Variants in GUCY1A2 observed in about 807,000 individuals in gnomAD.
The protein encoded by GUCY1A2 is guanylate cyclase soluble subunit alpha-2.
Under a neutral mutation model 63.5 loss-of-function variants are expected in GUCY1A2, and 27 were observed. The ratio of observed to expected loss-of-function variants is 0.43; its 90% CI spans 0.31 to 0.59. The LOEUF (loss-of-function observed/expected upper bound fraction) is 0.59. Among genes scored for constraint, GUCY1A2 ranks in the 20% least tolerant of loss-of-function variants. GUCY1A2 has a pLI of 0.11. For missense variants in GUCY1A2, 768 were observed against 913.3 expected, an observed-to-expected ratio of 0.84 and a Z score of 2.05; for synonymous variants, 364 against 343.5, an observed-to-expected ratio of 1.06 and a Z score of -0.66.
chr11:106,806,838 A>G (rs1196772831), intron 5 of GUCY1A2, among the ~76,000 whole-genome samples: 1 of 152,214 alleles, frequency 6.6e-6, no homozygotes, highest in Non-Finnish European at 1.5e-5. Flanking sequence ...AGATAGCTTG[A>G]TTATTTTAGC....
intron 4 of GUCY1A2, among the ~76,000 whole-genome samples, chr11:106,928,713 C>T (rs11211979): frequency 0.16 from 23,617 of 152,156 alleles, 2,163 homozygotes; most frequent in South Asian, 0.28. Context: ...GAGCTTATTG[C>T]TCCTAGGCTG....
intron 6 of GUCY1A2, chr11:106,746,781 G>T: frequency 3.9e-6 from 2 of 519,188 alleles, no homozygotes; most frequent in South Asian, 2.4e-5. Flanking sequence ...TGACATTGGT[G>T]GTACAATAAA....
chr11:106,703,238 T>C (rs1341001297), intron 7 of GUCY1A2, among the ~76,000 whole-genome samples: 1 of 152,166 alleles, frequency 6.6e-6, no homozygotes. Flanking sequence ...TGTGATCCTG[T>C]GAGTCAATAC....
chr11:106,949,704 T>C (rs1450793646), intron 3 of GUCY1A2, among the ~76,000 whole-genome samples: 1 of 151,972 alleles, frequency 6.6e-6, no homozygotes, highest in Non-Finnish European at 1.5e-5. Context: ...AAAAAGGAAA[T>C]GTCAACTAGG....
Position 106,678,628 on chromosome 11 carries a change from A to C in GUCY1A2, c.*8921T>G, listed in dbSNP as rs955533205. On this transcript the variant is annotated 3_prime_UTR_variant, in exon 8 of 8. Transcript: ENST00000526355. ...AGTTTCTTACTAGTCAGAGAGTCAG[A>C]GGTGATGTAACAATATTCATATTTG... 1 of 210,448 alleles carries C rather than the reference A, an allele frequency of 4.8e-6. No individual in the cohort carries two copies. Among genetic ancestry groups the C allele is most frequent in the African/African-American group, 2.3e-5 (1 of 44,124 alleles). 13.0% of individuals were successfully genotyped at this position (210,448 alleles called of 1,614,324 possible).
intron 4 of GUCY1A2, among the ~76,000 whole-genome samples, chr11:106,873,002 T>C (rs559730996): frequency 3.3e-5 from 5 of 152,242 alleles, no homozygotes; most frequent in African/African-American, 1.2e-4. Flanking sequence ...CTCCCACTTA[T>C]GTTTGAGAAA....
intron 4 of GUCY1A2, among the ~76,000 whole-genome samples, chr11:106,838,947 G>A (rs1235935679): frequency 1.3e-5 from 2 of 151,978 alleles, no homozygotes; most frequent in Admixed American, 1.3e-4. Flanking sequence ...TCTGATGGTA[G>A]TTTCTTTTGC....
intron 4 of GUCY1A2, among the ~76,000 whole-genome samples, chr11:106,813,305 A>C (rs1006412048): frequency 6.6e-6 from 1 of 152,010 alleles, no homozygotes; most frequent in African/African-American, 2.4e-5. Flanking sequence ...GTTAAATATC[A>C]TACTATCACA....
intron 4 of GUCY1A2, among the ~76,000 whole-genome samples, chr11:106,815,469 T>A (rs373027935): frequency 6.6e-6 from 1 of 151,540 alleles, no homozygotes; most frequent in African/African-American, 2.4e-5. Flanking sequence ...CACTCCAAGA[T>A]ACATTTTAGG....
chr11:106,686,270 G>T lies in GUCY1A2; in HGVS notation c.*1279C>A, dbSNP rs987136047. On this transcript the variant is annotated 3_prime_UTR_variant, in exon 8 of 8. Coordinates refer to ENST00000526355, the MANE Select transcript of GUCY1A2 (RefSeq NM_000855.3). ...AGGTCTTCATTTGAGCAGGACATGCGATGGAATCCTATCTGTAACTATAAT... is the reference window on the plus strand; with the variant it reads ...AGGTCTTCATTTGAGCAGGACATGCTATGGAATCCTATCTGTAACTATAAT... 6 of 218,760 alleles carry T rather than the reference G, an allele frequency of 2.7e-5. No homozygotes were observed. The highest frequency in any genetic ancestry group is 4.5e-5 in the African/African-American group (2 of 44,530). 13.6% of individuals were successfully genotyped at this position (218,760 alleles called of 1,614,324 possible).
intron 4 of GUCY1A2, among the ~76,000 whole-genome samples, chr11:106,822,874 T>TATCAAC (rs1858921013): frequency 2.0e-5 from 3 of 152,290 alleles, no homozygotes; most frequent in African/African-American, 7.2e-5. Flanking sequence ...GTGATTAAAA[T>TATCAAC]AATAGTTGAA....
chr11:106,740,871 C>T (rs1047602748), intron 6 of GUCY1A2, among the ~76,000 whole-genome samples: 9 of 152,066 alleles, frequency 5.9e-5, no homozygotes, highest in Non-Finnish European at 1.3e-4. Flanking sequence ...CAGCGTTTCT[C>T]CATTTTGGTC....
intron 3 of GUCY1A2, among the ~76,000 whole-genome samples, chr11:106,950,827 T>G (rs1860897108): frequency 6.6e-6 from 1 of 152,194 alleles, no homozygotes; most frequent in African/African-American, 2.4e-5. Flanking sequence ...GTTTGTTACA[T>G]AGGTATGCGC....
In GUCY1A2 at chr11:106,986,117, C is replaced by A. The variant is rs1174402392; in HGVS notation, c.318G>T (p.Gln106His). The change falls in exon 2 of 8, where the codon CAG becomes CAT. Residue 106 changes from glutamine (Q) to histidine (H), a missense_variant. Around this residue, in one of 3 missense-constraint regions of GUCY1A2, gnomAD observed 496 missense variants for 486.9 expected, o/e 1.02. Coordinates refer to ENST00000526355, the MANE Select transcript of GUCY1A2 (RefSeq NM_000855.3). The part of the protein sequence containing the change: ...RLTAPSPQTI[Q>H]QTLKRTLQYY... The stretch of plus-strand genomic sequence containing the variant: ...ACTGCAGTGTCCTCTTGAGAGTCTG[C>A]TGTATCGTCTGAGGCTACAGAATAA... 6.8e-7 allele frequency: 1 copy of A among 1,470,744 alleles called. No homozygotes were observed. Among genetic ancestry groups the A allele is most frequent in the African/African-American group, 1.4e-5 (1 of 72,182 alleles). The allele number at this position is 1,470,744 out of a possible 1,614,324, so 91.1% of individuals were successfully genotyped here.
rs571150158 is a variant in GUCY1A2 at position 106,687,308 on chromosome 11, G to GTA, written c.*239_*240dup. The GTA allele has an allele frequency of 2.7e-4, 139 of 511,042 alleles. No homozygotes were observed. In the East Asian group the frequency reaches 4.2e-3, roughly 16 times the overall value. 31.7% of individuals were successfully genotyped at this position (511,042 alleles called of 1,614,324 possible). A position where few individuals can be genotyped will look rare whatever the true frequency, so the allele number is the denominator to read the frequency against. On this transcript the variant is annotated 3_prime_UTR_variant, in exon 8 of 8. Transcript: ENST00000526355. ...CCACACTTGTAATTAAAATATATGT[G>GTA]TATATATATGACCAAAACCACTCAT...
At chr11:106,699,788 T>C (rs962950663) in intron 7 of GUCY1A2, among the ~76,000 whole-genome samples, 3 of 151,948 alleles carry the variant, frequency 2.0e-5, no homozygotes, top group Non-Finnish European at 4.4e-5. Flanking sequence ...TTCTTTTTTT[T>C]CTTTTTTTTT....
chr11:106,928,549 T>C (rs910634273), intron 4 of GUCY1A2, among the ~76,000 whole-genome samples: 2 of 151,424 alleles, frequency 1.3e-5, no homozygotes, highest in Non-Finnish European at 2.9e-5. Context: ...GATTATTGTA[T>C]GATTCAAACA....
At chr11:106,958,355 A>C (rs1214257340) in intron 3 of GUCY1A2, among the ~76,000 whole-genome samples, 1 of 152,164 alleles carries the variant, frequency 6.6e-6, no homozygotes, top group African/African-American at 2.4e-5. Context: ...TGCTCTTCCA[A>C]AACTGAATAT....
intron 7 of GUCY1A2, among the ~76,000 whole-genome samples, chr11:106,705,193 A>G (rs915825936): frequency 9.2e-5 from 14 of 152,214 alleles, no homozygotes; most frequent in African/African-American, 3.4e-4. Flanking sequence ...ATGAAATATT[A>G]AAATATGGTG....
Sources: allele counts gnomAD v4.1 joint callset (sites outside exome capture counted in the v4.1 genomes callset), GRCh38; gene constraint gnomAD v4.1.1; regional missense constraint gnomAD v4.1.1; transcripts MANE v1.5; gene names NCBI Gene and HGNC (gene_info 2026-07-23, HGNC 2026-07-21).